Variants in KCNIP4 observed in about 807,000 individuals in gnomAD.
KCNIP4 encodes the protein potassium voltage-gated channel interacting protein 4.
A neutral mutation model predicts 34.0 loss-of-function variants in KCNIP4; 12 were observed. The observed-to-expected ratio is 0.35, with a 90% CI of 0.23 to 0.57. The LOEUF is 0.57. KCNIP4 is among the 20% of genes least tolerant of loss of function. KCNIP4 has a pLI of 0.83. For missense variants in KCNIP4, 238 were observed against 311.7 expected (o/e 0.76, Z 1.78); for synonymous variants, 124 against 102.2 (o/e 1.21, Z -1.29).
intron 1 of KCNIP4, among the ~76,000 whole-genome samples, chr4:21,084,375 G>T (rs1746244229): frequency 6.7e-6 from 1 of 149,732 alleles, no homozygotes; most frequent in Non-Finnish European, 1.5e-5. Context: ...ATTGTTCCAG[G>T]AATCCTTAAA....
rs542720852 is a variant in KCNIP4, at chr4:20,778,013, A to G, written c.289-19123T>C. ...CCATGAAGACCAGGATAAAGTAGACAGAGAGGTACAAGGAGAAGCCGTAGA... is the reference window on the plus strand; with the variant it reads ...CCATGAAGACCAGGATAAAGTAGACGGAGAGGTACAAGGAGAAGCCGTAGA... On this transcript the variant is annotated intron_variant, in intron 3 of 8. Transcript: ENST00000382152. Among the ~76,000 whole-genome samples the G allele has an allele frequency of 1.3e-3, 200 of 152,342 alleles. 4 individuals carry two copies. The South Asian group carries it at 0.04, about 30-fold the overall frequency.
intron 1 of KCNIP4, among the ~76,000 whole-genome samples, chr4:21,408,017 T>A (rs553981465): frequency 6.6e-6 from 1 of 152,200 alleles, no homozygotes; most frequent in South Asian, 2.1e-4. Context: ...TTTCTATGGA[T>A]AATTTACAGA....
chr4:20,984,318 GCGCTTCCCT>G (rs1223531133), intron 1 of KCNIP4, among the ~76,000 whole-genome samples: 2 of 152,226 alleles, frequency 1.3e-5, no homozygotes, highest in Non-Finnish European at 2.9e-5. Flanking sequence ...AGAACACCGC[GCGCTTCCCT>G]CGCTGAGGAC....
At position 20,729,094 on chromosome 4, in the gene KCNIP4, T is replaced by TG. The variant is rs1225571049; in HGVS notation, c.*987dup. Reference sequence around the variant, plus strand: ...CTTGCTGTTTGTTCTTAGTAGACAGTGGGGTAGTCAAGGTTTCTTTCTTTG... The same window carrying TG: ...CTTGCTGTTTGTTCTTAGTAGACAGTGGGGGTAGTCAAGGTTTCTTTCTTTG... On this transcript the variant is annotated 3_prime_UTR_variant, in exon 9 of 9. Transcript: ENST00000382152. The TG allele has an allele frequency of 6.6e-6, 1 of 152,492 alleles. No homozygotes were observed. Among genetic ancestry groups the TG allele is most frequent in the African/African-American group, 2.4e-5 (1 of 41,388 alleles). The allele number at this position is 152,492 out of a possible 1,614,324, so 9.4% of individuals were successfully genotyped here.
At chr4:21,103,716 T>C (rs1187120463) in intron 1 of KCNIP4, among the ~76,000 whole-genome samples, 16 of 149,518 alleles carry the variant, frequency 1.1e-4, no homozygotes, top group African/African-American at 2.5e-5. Flanking sequence ...GTATATCTCC[T>C]AATGCTATCC....
chr4:21,229,682 C>G (rs1758656435), intron 1 of KCNIP4, among the ~76,000 whole-genome samples: 1 of 152,070 alleles, frequency 6.6e-6, no homozygotes, highest in Non-Finnish European at 1.5e-5. Context: ...TGCAGATGAC[C>G]ATGTGTTCAG....
At chr4:21,709,575 G>A (rs550046313) in intron 1 of KCNIP4, among the ~76,000 whole-genome samples, 2 of 152,170 alleles carry the variant, frequency 1.3e-5, no homozygotes, top group African/African-American at 4.8e-5. Context: ...ACAGATACTA[G>A]TTTTTAAGAA....
chr4:21,493,360 T>A (rs1424953959), intron 1 of KCNIP4, among the ~76,000 whole-genome samples: 1 of 152,062 alleles, frequency 6.6e-6, no homozygotes, highest in African/African-American at 2.4e-5. Flanking sequence ...AATACATACA[T>A]CCAAGCTGCA....
At chr4:21,855,675 C>A (rs1724704762) in intron 1 of KCNIP4, 1 of 152,178 alleles carries the variant, frequency 6.6e-6, no homozygotes, top group Non-Finnish European at 1.5e-5. Context: ...CCTACCTGTT[C>A]TATCCCCTGG....
At chr4:21,922,846 T>C (rs775244069) in intron 1 of KCNIP4, among the ~76,000 whole-genome samples, 1 of 152,216 alleles carries the variant, frequency 6.6e-6, no homozygotes, top group African/African-American at 2.4e-5. Flanking sequence ...ATTTGTTTCA[T>C]TTCTCAATCC....
At chr4:21,496,127 A>G (rs1732829745) in intron 1 of KCNIP4, among the ~76,000 whole-genome samples, 2 of 152,228 alleles carry the variant, frequency 1.3e-5, no homozygotes, top group African/African-American at 2.4e-5. Context: ...TGTCTTTTAT[A>G]TCAACACATC....
At chr4:21,931,353 G>C (rs1729553607) in intron 1 of KCNIP4, among the ~76,000 whole-genome samples, 1 of 150,248 alleles carries the variant, frequency 6.7e-6, no homozygotes, top group South Asian at 2.1e-4. Flanking sequence ...GTGCCATGTT[G>C]GTGTGCTGCA....
At chr4:21,698,145 A>G (rs976352775) in intron 1 of KCNIP4, among the ~76,000 whole-genome samples, 2 of 152,210 alleles carry the variant, frequency 1.3e-5, no homozygotes, top group Admixed American at 6.5e-5. Flanking sequence ...AATGGGGACA[A>G]TGCTATTTTG....
At chr4:21,453,311 C>T (rs1728665891) in intron 1 of KCNIP4, among the ~76,000 whole-genome samples, 5 of 151,990 alleles carry the variant, frequency 3.3e-5, no homozygotes, top group Admixed American at 3.3e-4. Flanking sequence ...ATATATTGAA[C>T]CCTTTATATG....
chr4:21,517,993 C>T (rs1263664645), intron 1 of KCNIP4, among the ~76,000 whole-genome samples: 1 of 152,292 alleles, frequency 6.6e-6, no homozygotes, highest in East Asian at 1.9e-4. Flanking sequence ...ATCTCACACA[C>T]AGGACAACGA....
intron 1 of KCNIP4, among the ~76,000 whole-genome samples, chr4:21,446,683 C>A (rs1300565828): frequency 2.0e-5 from 3 of 151,444 alleles, no homozygotes; most frequent in Non-Finnish European, 2.9e-5. Flanking sequence ...TTAATGGGTG[C>A]AGCACACCAA....
chr4:21,318,490 T>G (rs1714025947), intron 1 of KCNIP4, among the ~76,000 whole-genome samples: 1 of 152,184 alleles, frequency 6.6e-6, no homozygotes, highest in Admixed American at 6.5e-5. Context: ...ACTTTGAATG[T>G]TTGAAATGGG....
chr4:20,875,218 A>G (rs1014493874), intron 2 of KCNIP4, among the ~76,000 whole-genome samples: 2 of 152,126 alleles, frequency 1.3e-5, no homozygotes, highest in Non-Finnish European at 2.9e-5. Flanking sequence ...TTTTTTTGTA[A>G]AACTGACCAG....
chr4:20,978,354 G>A lies in KCNIP4; in HGVS notation c.62-95645C>T, dbSNP rs748811089. 7.9e-5 allele frequency among the ~76,000 whole-genome samples: 12 copies of A among 152,196 alleles called. No homozygotes were observed. In the East Asian group the frequency reaches 2.3e-3, roughly 29 times the overall value. ...AGTTACTTATTATGTGGGATAAATA[G>A]ATATGAACTGGCACTATTCCTGTAT... On this transcript the variant is annotated intron_variant, in intron 1 of 8. Coordinates refer to ENST00000382152, the MANE Select transcript of KCNIP4 (RefSeq NM_025221.6).
Sources: allele counts gnomAD v4.1 joint callset (sites outside exome capture counted in the v4.1 genomes callset), GRCh38; gene constraint gnomAD v4.1.1; transcripts MANE v1.5; gene names NCBI Gene and HGNC (gene_info 2026-07-23, HGNC 2026-07-21).